EIF3H: variants seen among roughly 807,000 people sequenced by gnomAD.
EIF3H encodes eukaryotic translation initiation factor 3 subunit H, also known as eIF-3-gamma.
A neutral mutation model predicts 44.2 loss-of-function variants in EIF3H; 26 were observed. The observed-to-expected ratio is 0.59, with a 90% CI of 0.43 to 0.82. EIF3H has a LOEUF of 0.82. Ranked by LOEUF, EIF3H falls within the 40% of genes least tolerant of loss-of-function variation. EIF3H has a pLI of 0.00. For synonymous variants in EIF3H, 166 were observed against 151.9 expected (o/e 1.09, Z -0.68); for missense variants, 359 against 432.8 (o/e 0.83, Z 1.51).
At chr8:116,753,745 G>A (rs969556252) in intron 1 of EIF3H, among the ~76,000 whole-genome samples, 1 of 152,312 alleles carries the variant, frequency 6.6e-6, no homozygotes, top group South Asian at 2.1e-4. Flanking sequence ...CATTGTTACT[G>A]AAGTGCTTTT....
chr8:116,703,463 T>A (rs1301533560), intron 2 of EIF3H, among the ~76,000 whole-genome samples: 1 of 152,232 alleles, frequency 6.6e-6, no homozygotes, highest in African/African-American at 2.4e-5. Context: ...ACCATCTCCC[T>A]GTGATGCTGT....
chr8:116,660,641 G>A (rs1223582443), intron 2 of EIF3H, among the ~76,000 whole-genome samples: 1 of 152,054 alleles, frequency 6.6e-6, no homozygotes, highest in Non-Finnish European at 1.5e-5. Flanking sequence ...CAACAGAGCT[G>A]GAAACTGCAC....
At chr8:116,746,564 AAGCTCCAGGAT>A (rs1442697339) in intron 1 of EIF3H, among the ~76,000 whole-genome samples, 2 of 152,200 alleles carry the variant, frequency 1.3e-5, no homozygotes, top group African/African-American at 2.4e-5. Context: ...ATCTGAATTC[AAGCTCCAGGAT>A]ATATTCACTT....
At chr8:116,666,974 T>C (rs1261006457) in intron 2 of EIF3H, among the ~76,000 whole-genome samples, 1 of 152,198 alleles carries the variant, frequency 6.6e-6, no homozygotes, top group African/African-American at 2.4e-5. Context: ...TACACCTGTG[T>C]GCATGTGTAC....
intron 2 of EIF3H, among the ~76,000 whole-genome samples, chr8:116,683,993 T>C (rs144986506): frequency 4.9e-4 from 74 of 152,326 alleles, no homozygotes; most frequent in African/African-American, 1.7e-3. Context: ...AAGACTACTG[T>C]TTCTGCCCCC....
At chr8:116,659,476 T>C (rs569018892) in intron 2 of EIF3H, among the ~76,000 whole-genome samples, 4 of 152,212 alleles carry the variant, frequency 2.6e-5, no homozygotes, top group Admixed American at 6.5e-5. Context: ...TGCTTATATA[T>C]GAAGAGGATA....
chr8:116,751,137 GGGA>G (rs1815331200), intron 1 of EIF3H, among the ~76,000 whole-genome samples: 1 of 151,758 alleles, frequency 6.6e-6, no homozygotes. Context: ...GCGTGAACCC[GGGA>G]GGCGGAGCTT....
At chr8:116,667,077 G>A (rs538860144) in intron 2 of EIF3H, among the ~76,000 whole-genome samples, 233 of 152,154 alleles carry the variant, frequency 1.5e-3, no homozygotes, top group Non-Finnish European at 2.3e-3. Context: ...ATCTTAATTA[G>A]AATATAGAAA....
At chr8:116,762,549 TTAAGCCGGCTTC>T (rs2131013086) in intron 1 of EIF3H, among the ~76,000 whole-genome samples, 1 of 152,336 alleles carries the variant, frequency 6.6e-6, no homozygotes, top group South Asian at 2.1e-4. Context: ...TTGACTTCCT[TTAAGCCGGCTTC>T]CCAGAATTCC....
intron 2 of EIF3H, among the ~76,000 whole-genome samples, chr8:116,693,897 C>A (rs554172830): frequency 1.3e-5 from 2 of 152,188 alleles, no homozygotes; most frequent in South Asian, 2.1e-4. Flanking sequence ...GAGCTTTTGG[C>A]CTCAAGAGAT....
At chr8:116,697,474 A>G (rs1012945408) in intron 2 of EIF3H, among the ~76,000 whole-genome samples, 1 of 152,130 alleles carries the variant, frequency 6.6e-6, no homozygotes, top group Non-Finnish European at 1.5e-5. Context: ...CAGTCCTTTC[A>G]CCAGTCAGCT....
intron 4 of EIF3H, among the ~76,000 whole-genome samples, chr8:116,656,869 GAC>G (rs1203759675): frequency 1.3e-5 from 2 of 152,038 alleles, no homozygotes; most frequent in Non-Finnish European, 2.9e-5. Flanking sequence ...CGGAAAATAA[GAC>G]ACACAGCTCA....
At chr8:116,743,799 A>ATATATATATATATATATAT (rs1563659950) in intron 1 of EIF3H, among the ~76,000 whole-genome samples, 19 of 87,058 alleles carry the variant, frequency 2.2e-4, no homozygotes, top group Non-Finnish European at 4.2e-4. Flanking sequence ...TATATATATA[A>ATATATATATATATATATAT]ACACACACAC....
At chr8:116,759,402 C>T (rs1563665478), upstream of EIF3H, among the ~76,000 whole-genome samples, 1 of 152,278 alleles carries the variant, frequency 6.6e-6, no homozygotes, top group South Asian at 2.1e-4. Flanking sequence ...CTAACTAGTT[C>T]AGCTTTTGTG....
chr8:116,659,823 C>A (rs993870171), intron 2 of EIF3H, among the ~76,000 whole-genome samples: 7 of 152,030 alleles, frequency 4.6e-5, no homozygotes, highest in African/African-American at 1.4e-4. Context: ...TAATGCACAG[C>A]AAATATATAA....
chr8:116,714,043 C>T (rs990946766), intron 2 of EIF3H, among the ~76,000 whole-genome samples: 4 of 151,990 alleles, frequency 2.6e-5, no homozygotes, highest in Admixed American at 1.3e-4. Flanking sequence ...TAAAAACAAA[C>T]GTCAAAAACA....
chr8:116,685,185 T>A lies in EIF3H; in HGVS notation c.290-26205A>T, dbSNP rs560250692. On this transcript the variant is annotated intron_variant, in intron 2 of 7. Transcript: ENST00000521861. The stretch of plus-strand genomic sequence containing the variant: ...AACTTCAAATTCTGATTTCTTATGA[T>A]GTTTGATGTAAGAAACTAACCAGGA... Among the ~76,000 whole-genome samples the A allele has an allele frequency of 7.2e-5, 11 of 152,338 alleles. No homozygotes were observed. In the East Asian group the frequency reaches 2.1e-3, roughly 29 times the overall value.
rs755948442 is a variant in EIF3H at position 116,755,647 on chromosome 8, G to A, written c.132+19C>T. 16 of 1,613,636 alleles carry A rather than the reference G, an allele frequency of 9.9e-6. No individual in the cohort carries two copies. In the Admixed American group the frequency reaches 1.5e-4, roughly 15 times the overall value. On this transcript the variant is annotated intron_variant, in intron 1 of 7. Transcript: ENST00000521861. ...ACTGCGCTCCCCACGTGGGCCAGAG[G>A]AAAAAGAACAGCACTCACAAGGCCA...
At chr8:116,645,392 G>A (rs1287504432) in intron 7 of EIF3H, among the ~76,000 whole-genome samples, 1 of 152,186 alleles carries the variant, frequency 6.6e-6, no homozygotes, top group East Asian at 1.9e-4. Context: ...TCAAACCAAT[G>A]CTGTACAACT....
Sources: gnomAD v4.1 joint callset for allele counts (sites outside exome capture counted in the v4.1 genomes callset) on GRCh38, gnomAD v4.1.1 for gene constraint, MANE v1.5 for transcripts, NCBI Gene and HGNC (gene_info 2026-07-23, HGNC 2026-07-21) for gene names.